The following DIS3L2 variants were observed in gnomAD, a reference collection of about 807,000 sequenced individuals.
DIS3L2 encodes the protein DIS3 like 3'-5' exoribonuclease 2, also known as DIS3-like exonuclease 2.
In DIS3L2, 34 loss-of-function variants were observed where a neutral mutation model predicts 97.5. The ratio of observed to expected loss-of-function variants is 0.35; its 90% CI spans 0.27 to 0.46. DIS3L2 has a LOEUF of 0.46. DIS3L2 is among the 20% of genes least tolerant of loss of function. DIS3L2 has a pLI of 1.00. For synonymous variants in DIS3L2, 435 were observed against 445.2 expected (o/e 0.98, Z 0.29); for missense variants, 1,038 against 1,146.0 (o/e 0.91, Z 1.36).
chr2:232,188,119 G>C (rs183386389), intron 9 of DIS3L2, among the ~76,000 whole-genome samples: 1 of 152,020 alleles, frequency 6.6e-6, no homozygotes, highest in Non-Finnish European at 1.5e-5. Context: ...CGGCCTGGGC[G>C]ACAGAGCAAG....
chr2:232,195,125 CT>C (rs1691717660), intron 9 of DIS3L2, among the ~76,000 whole-genome samples: 1 of 152,154 alleles, frequency 6.6e-6, no homozygotes, highest in Non-Finnish European at 1.5e-5. Context: ...CTAAGCTTGG[CT>C]TTCTCCATTA....
intron 16 of DIS3L2, 84 bp from the exon 17 acceptor site, chr2:232,333,756 G>GAATA: frequency 4.2e-5 from 63 of 1,487,140 alleles, no homozygotes; most frequent in Admixed American, 2.0e-4. Flanking sequence ...CGCTGCCGAC[G>GAATA]GTGAGGCTGT....
intron 5 of DIS3L2, among the ~76,000 whole-genome samples, chr2:232,076,294 G>A (rs1220632323): frequency 6.6e-6 from 1 of 152,102 alleles, no homozygotes; most frequent in African/African-American, 2.4e-5. Context: ...AAGGAGACAG[G>A]GCAGTGTAGT....
At chr2:232,333,726 C>T (rs1575027093) in intron 16 of DIS3L2, 114 bp from the exon 17 acceptor site, 1 of 1,424,672 alleles carries the variant, frequency 7.0e-7, no homozygotes, top group African/African-American at 1.4e-5. Context: ...ACCAGCAGCC[C>T]ATTAGGTCTG....
intron 10 of DIS3L2, among the ~76,000 whole-genome samples, chr2:232,217,630 A>G (rs148764016): frequency 9.8e-5 from 15 of 152,334 alleles, no homozygotes; most frequent in African/African-American, 2.6e-4. Context: ...TAAATTTGCT[A>G]GAGTGGCTCA....
intron 4 of DIS3L2, among the ~76,000 whole-genome samples, chr2:232,025,936 A>G (rs187760692): frequency 6.6e-6 from 1 of 152,288 alleles, no homozygotes; most frequent in East Asian, 1.9e-4. Flanking sequence ...TAAGCATGAA[A>G]ATGTCACTCA....
At chr2:232,258,219 A>G (rs1373048731) in intron 12 of DIS3L2, among the ~76,000 whole-genome samples, 1 of 152,172 alleles carries the variant, frequency 6.6e-6, no homozygotes, top group Non-Finnish European at 1.5e-5. Flanking sequence ...GACATTCTGA[A>G]CAGTGGTATT....
intron 10 of DIS3L2, among the ~76,000 whole-genome samples, chr2:232,218,405 T>A (rs1265179676): frequency 6.6e-6 from 1 of 152,152 alleles, no homozygotes. Context: ...TTTTCTTCAG[T>A]AATTCTCAGC....
chr2:232,207,401 A>C (rs141775766), intron 9 of DIS3L2, among the ~76,000 whole-genome samples: 1 of 152,348 alleles, frequency 6.6e-6, no homozygotes, highest in African/African-American at 2.4e-5. Flanking sequence ...TTCATTCAAC[A>C]AACATGTCTG....
In DIS3L2 at chr2:232,014,983, G is replaced by GT; in HGVS notation, c.52+5dup. 1.2e-6 allele frequency: 2 copies of GT among 1,613,932 alleles called. No homozygotes were observed. Among genetic ancestry groups the GT allele is most frequent in the Non-Finnish European group, 1.7e-6 (2 of 1,179,938 alleles). On this transcript the variant is annotated splice_donor_region_variant and intron_variant, in intron 2 of 20. Transcript: ENST00000325385. ...CGGCCCCTGGGGACCCCCAGAGGTA[G>GT]TAAAAGGAAAATGGAGTCTGCCTGA...
At chr2:231,986,522 T>C (rs991796265) in intron 1 of DIS3L2, among the ~76,000 whole-genome samples, 3 of 152,230 alleles carry the variant, frequency 2.0e-5, no homozygotes, top group African/African-American at 2.4e-5. Context: ...TTCATTGTTA[T>C]GTTTCCTTTA....
At chr2:232,109,161 A>G (rs946881607) in intron 6 of DIS3L2, among the ~76,000 whole-genome samples, 2 of 152,188 alleles carry the variant, frequency 1.3e-5, no homozygotes, top group Admixed American at 1.3e-4. Flanking sequence ...AAACTATACT[A>G]CAGGGGCCAG....
intron 1 of DIS3L2, among the ~76,000 whole-genome samples, chr2:231,963,090 A>G (rs995252054): frequency 2.6e-5 from 4 of 152,190 alleles, no homozygotes; most frequent in Non-Finnish European, 4.4e-5. Context: ...TCCTTTGGTT[A>G]TATACCCAAC....
At chr2:232,233,192 A>G (rs139736318) in intron 10 of DIS3L2, among the ~76,000 whole-genome samples, 46 of 152,308 alleles carry the variant, frequency 3.0e-4, no homozygotes, top group Non-Finnish European at 5.1e-4. Flanking sequence ...GCTATAACAG[A>G]ATACTGTAGA....
At chr2:232,211,532 C>G (rs1241494922) in intron 10 of DIS3L2, among the ~76,000 whole-genome samples, 1 of 152,222 alleles carries the variant, frequency 6.6e-6, no homozygotes, top group Non-Finnish European at 1.5e-5. Flanking sequence ...TTCTGGGTGA[C>G]TGCTTTGGCT....
At chr2:232,005,170 ATTTTTTTT>A (rs55757645) in intron 1 of DIS3L2, among the ~76,000 whole-genome samples, 6 of 126,562 alleles carry the variant, frequency 4.7e-5, no homozygotes, top group African/African-American at 1.5e-4. Context: ...AAGAATCTTG[ATTTTTTTT>A]TTTTTTTTTT....
chr2:232,155,173 C>T (rs554908179), intron 8 of DIS3L2, among the ~76,000 whole-genome samples: 3 of 141,708 alleles, frequency 2.1e-5, no homozygotes, highest in South Asian at 4.5e-4. Flanking sequence ...CTGCGTCGCT[C>T]ACGCTGGGAG....
intron 12 of DIS3L2, chr2:232,259,950 A>G (rs1184897187): frequency 6.6e-6 from 1 of 152,176 alleles, no homozygotes; most frequent in Non-Finnish European, 1.5e-5. Flanking sequence ...CTAGATTTTG[A>G]AAGCAGTTCT....
intron 5 of DIS3L2, among the ~76,000 whole-genome samples, chr2:232,036,963 C>A (rs1452682329): frequency 4.6e-5 from 7 of 152,198 alleles, no homozygotes; most frequent in Non-Finnish European, 1.0e-4. Flanking sequence ...CTGTTGACCC[C>A]TGCTGGGAGG....
Sources: gnomAD v4.1 joint callset for allele counts (sites outside exome capture counted in the v4.1 genomes callset) on GRCh38, gnomAD v4.1.1 for gene constraint, MANE v1.5 for transcripts, NCBI Gene and HGNC (gene_info 2026-07-23, HGNC 2026-07-21) for gene names.